The following ASH1L variants were observed in gnomAD, a reference collection of about 807,000 sequenced individuals.
ASH1L encodes histone-lysine N-methyltransferase ASH1L.
In ASH1L, 23 loss-of-function variants were observed where a neutral mutation model predicts 269.0. The observed-to-expected ratio is 0.09, with a 90% confidence interval of 0.06 to 0.12. ASH1L has a LOEUF of 0.12. Ranked by LOEUF, ASH1L falls within the 10% of genes least tolerant of loss-of-function variation. ASH1L has a pLI of 1.00. For synonymous variants in ASH1L, 1,187 were observed against 1,253.5 expected, an observed-to-expected ratio of 0.95 and a Z score of 1.12; for missense variants, 2,912 against 3,567.8, an observed-to-expected ratio of 0.82 and a Z score of 4.68.
chr1:155,521,476 G>C lies in ASH1L; in HGVS notation c.44C>G (p.Ser15Cys), dbSNP rs1443127886. The change falls in exon 2 of 28, where the codon TCC becomes TGC. Residue 15 changes from serine (S) to cysteine (C), a missense_variant. By Grantham distance (112) the Ser-to-Cys change is moderately radical (BLOSUM62 -1). Transcript: ENST00000392403. ...NTAMLGLGSDSEGFSRKSPSA... is the reference protein window; with the variant it reads ...NTAMLGLGSDCEGFSRKSPSA... ...AGGACTCTTTCTTGAAAAACCTTCG[G>C]AATCAGAACCCAATCCTAACATAGC... 1.9e-6 allele frequency: 3 copies of C among 1,613,794 alleles called. No homozygotes were observed. The East Asian group carries it at 6.7e-5, about 36-fold the overall frequency.
chr1:155,548,554 T>C (rs1339780905), intron 1 of ASH1L, among the ~76,000 whole-genome samples: 1 of 152,088 alleles, frequency 6.6e-6, no homozygotes, highest in Non-Finnish European at 1.5e-5. Flanking sequence ...TAGACATTCA[T>C]TCACCAACCA....
intron 2 of ASH1L, among the ~76,000 whole-genome samples, chr1:155,483,852 A>T (rs879607789): frequency 6.6e-5 from 10 of 152,156 alleles, no homozygotes; most frequent in Non-Finnish European, 1.2e-4. Context: ...AGATATCAAT[A>T]TAGTGCTATG....
chr1:155,465,141 A>C (rs989238533), intron 3 of ASH1L, among the ~76,000 whole-genome samples: 1 of 152,116 alleles, frequency 6.6e-6, no homozygotes, highest in Non-Finnish European at 1.5e-5. Context: ...AGCAGAATAG[A>C]TAAAATTCTC....
chr1:155,449,434 C>T (rs1407949032), intron 4 of ASH1L, among the ~76,000 whole-genome samples: 4 of 151,914 alleles, frequency 2.6e-5, no homozygotes, highest in Admixed American at 6.6e-5. Flanking sequence ...TCTTTTAAAA[C>T]GTATCAAGAC....
intron 6 of ASH1L, among the ~76,000 whole-genome samples, chr1:155,404,494 C>A (rs1340944853): frequency 6.6e-6 from 1 of 152,086 alleles, no homozygotes; most frequent in Non-Finnish European, 1.5e-5. Context: ...GGCAACATGG[C>A]AAGACCTCAT....
intron 1 of ASH1L, among the ~76,000 whole-genome samples, chr1:155,550,296 G>A (rs1460716217): frequency 1.3e-5 from 2 of 152,146 alleles, no homozygotes; most frequent in Non-Finnish European, 2.9e-5. Flanking sequence ...GGGATTAGAG[G>A]TGTGAACCAC....
chr1:155,458,942 C>T (rs755770080), intron 4 of ASH1L, among the ~76,000 whole-genome samples: 3 of 147,852 alleles, frequency 2.0e-5, no homozygotes, highest in African/African-American at 4.9e-5. Context: ...AGGTATAAAT[C>T]ATCCTCTCTC....
At chr1:155,342,573 A>C (rs1440466236) in intron 24 of ASH1L, among the ~76,000 whole-genome samples, 5 of 152,228 alleles carry the variant, frequency 3.3e-5, no homozygotes, top group Admixed American at 3.3e-4. Flanking sequence ...TATGATTCTG[A>C]GAGAACAGTC....
intron 7 of ASH1L, among the ~76,000 whole-genome samples, chr1:155,390,909 A>G (rs1365647448): frequency 2.0e-5 from 3 of 149,260 alleles, no homozygotes; most frequent in East Asian, 3.9e-4. Flanking sequence ...TTGGCTTCCC[A>G]AAGTGCTGGG....
intron 2 of ASH1L, among the ~76,000 whole-genome samples, chr1:155,490,046 G>A (rs1390787127): frequency 1.3e-5 from 2 of 150,812 alleles, no homozygotes; most frequent in African/African-American, 2.4e-5. Context: ...TCGGCTCACT[G>A]CAAACTCCGC....
chr1:155,479,230 C>T lies in ASH1L; in HGVS notation c.3640G>A (p.Ala1214Thr), dbSNP rs1665781946. The T allele has an allele frequency of 6.2e-6, 10 of 1,613,966 alleles. No individual in the cohort carries two copies. The highest frequency in any genetic ancestry group is 1.3e-5 in the African/African-American group (1 of 74,878). The change falls in exon 3 of 28, where the codon GCA (alanine) becomes ACA (threonine). Residue 1214 changes from alanine to threonine, a missense_variant. By Grantham distance (58) the Ala-to-Thr change is moderately conservative. This residue lies in a region of ASH1L where 789 missense variants were observed against 897.6 expected (regional missense o/e 0.88). Transcript: ENST00000392403. ...TTTTTTTGCCCACAAAATTTCTCTGCCCTGTCTGATGTGCTGTTATTATCT... is the reference window on the plus strand; with the variant it reads ...TTTTTTTGCCCACAAAATTTCTCTGTCCTGTCTGATGTGCTGTTATTATCT... ...GTDNNSTSDRAEKFCGQKKRR... is the reference protein window; with the variant it reads ...GTDNNSTSDRTEKFCGQKKRR...
chr1:155,543,704 G>C (rs1468951452), intron 1 of ASH1L, among the ~76,000 whole-genome samples: 1 of 151,850 alleles, frequency 6.6e-6, no homozygotes, highest in Admixed American at 6.6e-5. Context: ...GGCTGAGGTG[G>C]GAGGGTGACC....
Position 155,339,340 on chromosome 1 carries a change from C to T in ASH1L, c.8489G>A (p.Arg2830Lys). Residue 2830 changes from arginine to lysine, a missense_variant, in exon 26 of 28, where the codon AGG (arginine) becomes AAG (lysine). By Grantham distance (26) the Arg-to-Lys change is conservative. This residue lies in a region of ASH1L where 154 missense variants were observed against 165.0 expected (regional missense o/e 0.93). Coordinates refer to ENST00000392403, the MANE Select transcript of ASH1L (RefSeq NM_018489.3). ...CCATGGGACTTACCGTCCTCCATTC[C>T]TCTTGTAGTTGTCTGGGACGTAATG... Reference protein sequence around the residue: ...SPHYVPDNYKRNGGRSSWKSE... With the variant: ...SPHYVPDNYKKNGGRSSWKSE... 6.2e-7 allele frequency: 1 copy of T among 1,613,740 alleles called. No homozygotes were observed. The highest frequency in any genetic ancestry group is 8.5e-7 in the Non-Finnish European group (1 of 1,179,674).
At chr1:155,431,654 TGG>T (rs948925841) in intron 5 of ASH1L, among the ~76,000 whole-genome samples, 5 of 151,972 alleles carry the variant, frequency 3.3e-5, no homozygotes, top group African/African-American at 4.8e-5. Context: ...CCAGCCACTG[TGG>T]GGGAGGGATG....
intron 1 of ASH1L, among the ~76,000 whole-genome samples, chr1:155,536,467 C>CT (rs1476461442): frequency 2.0e-5 from 3 of 152,298 alleles, no homozygotes; most frequent in South Asian, 4.1e-4. Flanking sequence ...TGACTCCTTC[C>CT]TTTATCTCAA....
chr1:155,491,953 G>C (rs1468964627), intron 2 of ASH1L, among the ~76,000 whole-genome samples: 3 of 151,318 alleles, frequency 2.0e-5, no homozygotes, highest in Admixed American at 6.6e-5. Context: ...GATTACAGGC[G>C]TGAGTCACCG....
chr1:155,509,699 T>C (rs574645294), intron 2 of ASH1L, among the ~76,000 whole-genome samples: 2 of 152,056 alleles, frequency 1.3e-5, no homozygotes, highest in African/African-American at 2.4e-5. Flanking sequence ...CTCAGGAGGC[T>C]GAGGCAGAAG....
At chr1:155,507,752 T>G (rs1180186314) in intron 2 of ASH1L, among the ~76,000 whole-genome samples, 1 of 152,178 alleles carries the variant, frequency 6.6e-6, no homozygotes, top group Admixed American at 6.5e-5. Flanking sequence ...CACACACCTG[T>G]GGTCCTAGTG....
intron 2 of ASH1L, among the ~76,000 whole-genome samples, chr1:155,492,056 TG>T (rs896828576): frequency 7.2e-6 from 1 of 139,738 alleles, no homozygotes; most frequent in African/African-American, 2.6e-5. Flanking sequence ...TTTTTTTTGA[TG>T]GAGTTTCACT....
Sources: allele counts gnomAD v4.1 joint callset (sites outside exome capture counted in the v4.1 genomes callset), GRCh38; gene constraint gnomAD v4.1.1; regional missense constraint gnomAD v4.1.1; transcripts MANE v1.5; gene names NCBI Gene and HGNC (gene_info 2026-07-23, HGNC 2026-07-21).